The following SNAP47 variants were observed in gnomAD, a reference collection of about 807,000 sequenced individuals.
The protein encoded by SNAP47 is synaptosomal-associated protein 47.
Under a neutral mutation model 31.4 loss-of-function variants are expected in SNAP47, and 20 were observed. The observed-to-expected ratio is 0.64, with a 90% CI of 0.45 to 0.93. SNAP47 has a LOEUF of 0.93. Ranked by LOEUF, SNAP47 falls within the 40% of genes least tolerant of loss-of-function variation. The pLI is 0.00. For synonymous variants in SNAP47, 194 were observed against 213.4 expected (o/e 0.91, Z 0.79); for missense variants, 492 against 528.5 (o/e 0.93, Z 0.68).
chr1:227,729,713 C>G (rs943407941), intron 1 of SNAP47, among the ~76,000 whole-genome samples: 1 of 152,160 alleles, frequency 6.6e-6, no homozygotes, highest in Non-Finnish European at 1.5e-5. Flanking sequence ...ATGCAGGGAG[C>G]CTGGTTTTGC....
chr1:227,750,288 G>A (rs138892873), intron 2 of SNAP47, among the ~76,000 whole-genome samples: 1,556 of 152,344 alleles, frequency 0.01, 17 homozygotes, highest in African/African-American at 0.032. Context: ...GTTGCAGGCC[G>A]AAGGCCATGA....
At chr1:227,774,554 G>A (rs376855291) in intron 4 of SNAP47, among the ~76,000 whole-genome samples, 2 of 152,138 alleles carry the variant, frequency 1.3e-5, no homozygotes, top group East Asian at 3.9e-4. Context: ...GTCCCGCCTC[G>A]AGGTGTAGGT....
intron 4 of SNAP47, among the ~76,000 whole-genome samples, chr1:227,777,705 C>T (rs139123765): frequency 3.9e-5 from 6 of 152,288 alleles, no homozygotes; most frequent in Admixed American, 2.6e-4. Context: ...CAGGGTTAGA[C>T]AGATTTAATA....
At chr1:227,739,141 C>T (rs58943295) in intron 1 of SNAP47, among the ~76,000 whole-genome samples, 2,189 of 152,268 alleles carry the variant, frequency 0.014, 48 homozygotes, top group African/African-American at 0.05. Flanking sequence ...TTGGGCCCCA[C>T]ACAATACTCC....
At chr1:227,776,448 A>T in intron 4 of SNAP47, 1 of 986,098 alleles carries the variant, frequency 1.0e-6, no homozygotes, top group Non-Finnish European at 1.2e-6. Flanking sequence ...GACTCAAGGA[A>T]GTCTGATTTG....
At chr1:227,778,753 A>T (rs1337084641) in intron 4 of SNAP47, among the ~76,000 whole-genome samples, 1 of 151,782 alleles carries the variant, frequency 6.6e-6, no homozygotes, top group Non-Finnish European at 1.5e-5. Context: ...GGTGGAAAAG[A>T]CCTCCTGTGT....
chr1:227,743,021 G>A (rs1661715348), intron 1 of SNAP47, among the ~76,000 whole-genome samples: 1 of 152,176 alleles, frequency 6.6e-6, no homozygotes, highest in East Asian at 1.9e-4. Context: ...TGGCCCACTG[G>A]GCCCTTGCTG....
At position 227,766,856 on chromosome 1, in the gene SNAP47, C is replaced by T. The variant is rs1386591958; in HGVS notation, c.989-103C>T. The stretch of plus-strand genomic sequence containing the variant: ...GAGGAAGCAGTCCTGCGTGTGGTGG[C>T]GGGAGGAACACCGCCTCAAAGACCA... On this transcript the variant is annotated intron_variant, in intron 3 of 4. Transcript: ENST00000617596. The T allele has an allele frequency of 2.3e-5, 34 of 1,505,072 alleles. No homozygotes were observed. In the East Asian group the frequency reaches 2.3e-4, roughly 10 times the overall value. The allele number at this position is 1,505,072 out of a possible 1,614,324, so 93.2% of individuals were successfully genotyped here. A position where few individuals can be genotyped will look rare whatever the true frequency, so the allele number is the denominator to read the frequency against.
intron 1 of SNAP47, chr1:227,736,461 A>G (rs1661172003): frequency 6.8e-6 from 1 of 147,966 alleles, no homozygotes; most frequent in African/African-American, 2.5e-5. Flanking sequence ...CAGTTGGGAT[A>G]CCAAAGAAAG....
At chr1:227,780,323 C>T (rs1432595002) in intron 4 of SNAP47, among the ~76,000 whole-genome samples, 2 of 152,222 alleles carry the variant, frequency 1.3e-5, no homozygotes, top group South Asian at 2.1e-4. Flanking sequence ...GGGCAGGCAC[C>T]TCATCTCATC....
upstream of SNAP47, chr1:227,733,098 G>A (rs1260792442): frequency 1.8e-5 from 27 of 1,532,254 alleles, no homozygotes; most frequent in Middle Eastern, 1.7e-4. Context: ...CATCTCCTGC[G>A]CCAGGAACCC....
intron 4 of SNAP47, among the ~76,000 whole-genome samples, chr1:227,777,378 G>A (rs1664225364): frequency 6.6e-6 from 1 of 152,170 alleles, no homozygotes; most frequent in Admixed American, 6.5e-5. Context: ...GCGTCTTGTG[G>A]GGAAGATAGT....
At chr1:227,755,937 A>T (rs1662667551) in intron 2 of SNAP47, among the ~76,000 whole-genome samples, 1 of 152,194 alleles carries the variant, frequency 6.6e-6, no homozygotes, top group African/African-American at 2.4e-5. Context: ...TCTTTTAACC[A>T]ATTGCCAATC....
intron 1 of SNAP47, among the ~76,000 whole-genome samples, chr1:227,739,692 C>T (rs1661462976): frequency 6.6e-6 from 1 of 152,216 alleles, no homozygotes. Flanking sequence ...GATGGAAATG[C>T]TGAAAGAGAC....
chr1:227,768,228 C>T, intron 4 of SNAP47: 1 of 973,556 alleles, frequency 1.0e-6, no homozygotes, highest in Non-Finnish European at 1.2e-6. Context: ...GGTGCAGCTT[C>T]CGTCTCGTCT....
chr1:227,733,685 C>T (rs969857945), upstream of SNAP47: 19 of 1,599,720 alleles, frequency 1.2e-5, no homozygotes, highest in Admixed American at 5.0e-5. Flanking sequence ...CGGGGACCTG[C>T]GGCAGCAAGA....
Position 227,780,966 on chromosome 1 carries a change from G to T in SNAP47, c.*293G>T. ...GGACACTTGGCACAGGCCTGGAAGA[G>T]GCCGCCCTCGTCTTGTCTCGGCTCC... On this transcript the variant is annotated 3_prime_UTR_variant, in exon 5 of 5. Coordinates refer to ENST00000617596, the MANE Select transcript of SNAP47 (RefSeq NM_053052.4). 1 of 414,298 alleles carries T rather than the reference G, an allele frequency of 2.4e-6. No individual in the cohort carries two copies. Among genetic ancestry groups the T allele is most frequent in the Non-Finnish European group, 4.4e-6 (1 of 227,812 alleles). The allele number at this position is 414,298 out of a possible 1,614,324, so 25.7% of individuals were successfully genotyped here.
At chr1:227,765,047 AGTT>A (rs113816453) in intron 3 of SNAP47, among the ~76,000 whole-genome samples, 6 of 152,116 alleles carry the variant, frequency 3.9e-5, no homozygotes, top group Admixed American at 2.6e-4. Flanking sequence ...CAAAATAAAT[AGTT>A]GTTGTTTTTT....
At chr1:227,728,966 G>C (rs1660473991) in intron 1 of SNAP47, among the ~76,000 whole-genome samples, 1 of 152,178 alleles carries the variant, frequency 6.6e-6, no homozygotes, top group Admixed American at 6.5e-5. Flanking sequence ...GGCTGCAGAG[G>C]AAGGCCAGGA....
Sources: allele counts gnomAD v4.1 joint callset (sites outside exome capture counted in the v4.1 genomes callset), GRCh38; gene constraint gnomAD v4.1.1; transcripts MANE v1.5; gene names NCBI Gene and HGNC (gene_info 2026-07-23, HGNC 2026-07-21).